STK32A: variants seen among roughly 807,000 people sequenced by gnomAD.
STK32A encodes the protein serine/threonine-protein kinase 32A.
In STK32A, 41 loss-of-function variants were observed where a neutral mutation model predicts 53.2. That is an observed-to-expected ratio of 0.77 (90% CI 0.60 to 1.00). The LOEUF is 1.00. Among genes scored for constraint, STK32A ranks in the 50% least tolerant of loss-of-function variants. The probability of loss-of-function intolerance (pLI) is 0.00; values close to 1 mark genes in which losing one functional copy is unlikely to be tolerated. For missense variants in STK32A, 458 were observed against 485.8 expected (o/e 0.94, Z 0.54); for synonymous variants, 166 against 162.8 (o/e 1.02, Z -0.15).
At position 147,280,286 on chromosome 5, in the gene STK32A, C is replaced by T. The variant is rs1751990588; in HGVS notation, c.260+888C>T. ...CAGGAGAGGGCACAAATCCAGTGTG[C>T]AGACTCCGGGGGCAGGGGATAAACC... On this transcript the variant is annotated intron_variant, in intron 4 of 12. Transcript: ENST00000397936. Among the ~76,000 whole-genome samples, 3 of 152,090 alleles carry T rather than the reference C, an allele frequency of 2.0e-5. No individual in the cohort carries two copies. In the South Asian group the frequency reaches 6.2e-4, roughly 32 times the overall value.
chr5:147,284,696 C>CAAAAAAA (rs869167577), intron 4 of STK32A, among the ~76,000 whole-genome samples: 1 of 51,642 alleles, frequency 1.9e-5, no homozygotes, highest in African/African-American at 7.1e-5. Flanking sequence ...CAAGACAAAA[C>CAAAAAAA]AAAAAAACAA....
At chr5:147,245,719 A>T (rs920891192) in intron 2 of STK32A, among the ~76,000 whole-genome samples, 2 of 152,206 alleles carry the variant, frequency 1.3e-5, no homozygotes, top group Non-Finnish European at 2.9e-5. Context: ...TTTGGACTTA[A>T]GTTTAAAAAG....
At chr5:147,336,617 C>G (rs1422926898) in intron 5 of STK32A, among the ~76,000 whole-genome samples, 2 of 152,128 alleles carry the variant, frequency 1.3e-5, no homozygotes. Flanking sequence ...TAATGAGTGA[C>G]TGGGATTACA....
At chr5:147,309,391 G>C (rs1753579416) in intron 4 of STK32A, among the ~76,000 whole-genome samples, 1 of 152,124 alleles carries the variant, frequency 6.6e-6, no homozygotes, top group South Asian at 2.1e-4. Flanking sequence ...AATTAGTAGA[G>C]AATTAGAATA....
chr5:147,365,780 A>G (rs1226673149), intron 8 of STK32A, among the ~76,000 whole-genome samples: 1 of 152,126 alleles, frequency 6.6e-6, no homozygotes, highest in African/African-American at 2.4e-5. Flanking sequence ...GCGAGTTGAA[A>G]CAGACAAACG....
chr5:147,278,055 T>G (rs1214219717), intron 2 of STK32A, 69 bp from the exon 3 acceptor site: 4 of 1,338,972 alleles, frequency 3.0e-6, no homozygotes, highest in Non-Finnish European at 4.2e-6. Context: ...TAGTCCAATC[T>G]TTATTATTTA....
chr5:147,265,096 TGTA>T (rs1754744790), intron 2 of STK32A, among the ~76,000 whole-genome samples: 1 of 55,512 alleles, frequency 1.8e-5, no homozygotes, highest in Non-Finnish European at 3.4e-5. Context: ...TATATATGTG[TGTA>T]TATATATATA....
chr5:147,320,697 G>A (rs887630160), intron 4 of STK32A, among the ~76,000 whole-genome samples: 1 of 152,236 alleles, frequency 6.6e-6, no homozygotes, highest in Non-Finnish European at 1.5e-5. Flanking sequence ...TCTGTGAGAA[G>A]TGACACTTGA....
At chr5:147,337,694 C>T (rs778881104) in intron 5 of STK32A, among the ~76,000 whole-genome samples, 6 of 151,470 alleles carry the variant, frequency 4.0e-5, no homozygotes, top group South Asian at 2.1e-4. Flanking sequence ...TTAGAACTTA[C>T]GTCCTAGTGG....
intron 4 of STK32A, among the ~76,000 whole-genome samples, chr5:147,307,469 A>C (rs1202049693): frequency 6.6e-6 from 1 of 151,892 alleles, no homozygotes; most frequent in Non-Finnish European, 1.5e-5. Flanking sequence ...AAAAATACAA[A>C]TATTAGCCGG....
chr5:147,269,255 A>G (rs553470504), intron 2 of STK32A, among the ~76,000 whole-genome samples: 47 of 152,332 alleles, frequency 3.1e-4, no homozygotes, highest in African/African-American at 1.1e-3. Context: ...CTGTTGTTCC[A>G]CTAGACTGTA....
chr5:147,301,438 T>G (rs1753128141), intron 4 of STK32A, among the ~76,000 whole-genome samples: 1 of 152,160 alleles, frequency 6.6e-6, no homozygotes, highest in South Asian at 2.1e-4. Context: ...TTGGTTTCCT[T>G]TGCTAGAAAT....
At chr5:147,301,849 A>G (rs1753153214) in intron 4 of STK32A, among the ~76,000 whole-genome samples, 1 of 152,120 alleles carries the variant, frequency 6.6e-6, no homozygotes, top group East Asian at 1.9e-4. Flanking sequence ...AATCTGTTTC[A>G]TTATCTTTTC....
At chr5:147,351,802 G>A (rs1371816388) in intron 7 of STK32A, among the ~76,000 whole-genome samples, 9 of 152,074 alleles carry the variant, frequency 5.9e-5, no homozygotes, top group Admixed American at 5.2e-4. Flanking sequence ...AGTCGAGATC[G>A]CGCCATTGCA....
At chr5:147,282,633 G>A (rs1752119065) in intron 4 of STK32A, among the ~76,000 whole-genome samples, 1 of 152,060 alleles carries the variant, frequency 6.6e-6, no homozygotes, top group Admixed American at 6.6e-5. Flanking sequence ...AAGCGAGGAG[G>A]GGTAGCTATT....
chr5:147,280,087 A>G (rs1468543169), intron 4 of STK32A, among the ~76,000 whole-genome samples: 1 of 152,182 alleles, frequency 6.6e-6, no homozygotes, highest in Non-Finnish European at 1.5e-5. Flanking sequence ...CACGGGGAGA[A>G]GAAGCAGCAG....
At chr5:147,399,264 T>C in the STK32A span, 18 of 1,612,812 alleles carry the variant, frequency 1.1e-5, no homozygotes, top group South Asian at 5.5e-5. Flanking sequence ...TATTGAAATA[T>C]AAGAAATTAT....
intron 4 of STK32A, among the ~76,000 whole-genome samples, chr5:147,280,446 G>A (rs1432494336): frequency 6.6e-6 from 1 of 151,616 alleles, no homozygotes; most frequent in Non-Finnish European, 1.5e-5. Flanking sequence ...GGGGGGTGGT[G>A]GAAAGCACGG....
chr5:147,394,170 C>A, the STK32A span: 2 of 1,590,808 alleles, frequency 1.3e-6, no homozygotes, highest in African/African-American at 1.3e-5. Context: ...AACAGAGTGG[C>A]GGGTAGGGGG....
Sources: allele counts gnomAD v4.1 joint callset (sites outside exome capture counted in the v4.1 genomes callset), GRCh38; gene constraint gnomAD v4.1.1; transcripts MANE v1.5; gene names NCBI Gene and HGNC (gene_info 2026-07-23, HGNC 2026-07-21).